Variants in CNTN5 observed in about 807,000 individuals in gnomAD.
CNTN5 encodes contactin 5.
CNTN5 carries 77 observed loss-of-function variants against 129.1 expected under a neutral mutation model. That is an observed-to-expected ratio of 0.60 (90% CI 0.50 to 0.72). The LOEUF is 0.72. Among genes scored for constraint, CNTN5 ranks in the 30% least tolerant of loss-of-function variants. The pLI is 0.00. For missense variants in CNTN5, 1,478 were observed against 1,328.8 expected, an observed-to-expected ratio of 1.11 and a Z score of -1.75; for synonymous variants, 509 against 465.6, an observed-to-expected ratio of 1.09 and a Z score of -1.20.
chr11:100,303,616 T>C (rs532334656), intron 20 of CNTN5, among the ~76,000 whole-genome samples: 1 of 151,630 alleles, frequency 6.6e-6, no homozygotes, highest in Admixed American at 6.6e-5. Flanking sequence ...TTTTGCCTTA[T>C]CTGTAAAAAA....
chr11:99,988,161 G>A (rs1472535020), intron 8 of CNTN5, among the ~76,000 whole-genome samples: 2 of 152,228 alleles, frequency 1.3e-5, no homozygotes, highest in Non-Finnish European at 2.9e-5. Context: ...AGCAAATCAG[G>A]AGCTGCCACA....
chr11:100,285,767 T>C lies in CNTN5; in HGVS notation c.2315-11858T>C, dbSNP rs59654879. On this transcript the variant is annotated intron_variant, in intron 18 of 24. Transcript: ENST00000524871. ...ATACTGAGGAGCCAAGATGGCCGAA[T>C]AGGAACAGCTCCGGTCTACAGCTCC... is the stretch of plus-strand genomic sequence containing the variant. Among the ~76,000 whole-genome samples the C allele has an allele frequency of 1.0e-3, 152 of 152,294 alleles. 2 individuals are homozygous for C. In the East Asian group the frequency reaches 0.023, roughly 23 times the overall value.
chr11:99,698,007 C>T (rs749738573), intron 3 of CNTN5, among the ~76,000 whole-genome samples: 26 of 150,364 alleles, frequency 1.7e-4, no homozygotes, highest in Non-Finnish European at 2.4e-4. Context: ...ACCGTTTCGA[C>T]GACTGTTTTA....
chr11:99,541,438 A>T (rs903994807), intron 2 of CNTN5, among the ~76,000 whole-genome samples: 1 of 152,180 alleles, frequency 6.6e-6, no homozygotes, highest in African/African-American at 2.4e-5. Flanking sequence ...TCCAGAAATC[A>T]GAACTCTTAC....
At chr11:99,595,316 C>A (rs1950092987) in intron 3 of CNTN5, among the ~76,000 whole-genome samples, 1 of 151,646 alleles carries the variant, frequency 6.6e-6, no homozygotes, top group South Asian at 2.1e-4. Flanking sequence ...TCACAGTGTA[C>A]CCCATAAATA....
chr11:99,422,475 C>T (rs1565569030), intron 2 of CNTN5, among the ~76,000 whole-genome samples: 1 of 142,734 alleles, frequency 7.0e-6, no homozygotes, highest in South Asian at 2.2e-4. Flanking sequence ...GGTTTACATC[C>T]TGATTATTGA....
At chr11:99,802,494 G>A (rs972456979) in intron 3 of CNTN5, among the ~76,000 whole-genome samples, 2 of 152,170 alleles carry the variant, frequency 1.3e-5, no homozygotes, top group Non-Finnish European at 2.9e-5. Context: ...AGTGCCCAGA[G>A]GTGTGCCTCA....
rs567885159 is a variant in CNTN5, at chr11:99,992,429, C to T, written c.878-9605C>T. Among the ~76,000 whole-genome samples the T allele has an allele frequency of 6.5e-4, 99 of 152,214 alleles. No homozygotes were observed. In the South Asian group the frequency reaches 0.017, roughly 27 times the overall value. ...TTTGACAGCATGACTCTCTGCATGC[C>T]GTTTTTCAGACATTTTAGTCAGTTA... On this transcript the variant is annotated intron_variant, in intron 8 of 24. Coordinates refer to ENST00000524871, the MANE Select transcript of CNTN5 (RefSeq NM_014361.4).
chr11:100,185,376 C>T (rs1051911163), intron 13 of CNTN5, among the ~76,000 whole-genome samples: 3 of 152,082 alleles, frequency 2.0e-5, no homozygotes, highest in Non-Finnish European at 2.9e-5. Context: ...TCATTCTCCA[C>T]CCTTCAGTAC....
intron 2 of CNTN5, among the ~76,000 whole-genome samples, chr11:99,515,484 A>G (rs1476643340): frequency 6.6e-6 from 1 of 152,062 alleles, no homozygotes; most frequent in East Asian, 1.9e-4. Context: ...TGTCTTTTTC[A>G]CCATTGTATT....
At chr11:99,920,393 C>G (rs1323408320) in intron 7 of CNTN5, among the ~76,000 whole-genome samples, 1 of 152,062 alleles carries the variant, frequency 6.6e-6, no homozygotes, top group Admixed American at 6.6e-5. Context: ...ATCTAAATAT[C>G]TAAAATCTCC....
intron 3 of CNTN5, among the ~76,000 whole-genome samples, chr11:99,713,520 T>C (rs1447338373): frequency 6.6e-6 from 1 of 151,844 alleles, no homozygotes; most frequent in African/African-American, 2.4e-5. Flanking sequence ...CTAGCCAGAA[T>C]TTCCTTAAGC....
chr11:100,319,232 A>T (rs550226278), intron 21 of CNTN5, among the ~76,000 whole-genome samples: 2 of 149,234 alleles, frequency 1.3e-5, no homozygotes, highest in African/African-American at 4.9e-5. Flanking sequence ...AGCTCACTGC[A>T]ACCTCCGCCT....
At chr11:99,498,768 A>C (rs188759432) in intron 2 of CNTN5, among the ~76,000 whole-genome samples, 109 of 152,284 alleles carry the variant, frequency 7.2e-4, no homozygotes, top group African/African-American at 2.6e-3. Flanking sequence ...TTCTGGGAAA[A>C]ATCTTCCTTC....
intron 18 of CNTN5, among the ~76,000 whole-genome samples, chr11:100,297,096 T>C (rs979245702): frequency 2.5e-4 from 38 of 151,578 alleles, no homozygotes; most frequent in African/African-American, 9.2e-4. Context: ...GCAGAGAGAT[T>C]CATTCTTGAC....
At chr11:99,318,013 T>G (rs1054576899) in intron 1 of CNTN5, among the ~76,000 whole-genome samples, 13 of 152,182 alleles carry the variant, frequency 8.5e-5, no homozygotes, top group African/African-American at 3.1e-4. Context: ...CTGAAAACTC[T>G]GTTTCAAAAT....
At chr11:100,281,250 C>T (rs766915089) in intron 18 of CNTN5, among the ~76,000 whole-genome samples, 1 of 152,090 alleles carries the variant, frequency 6.6e-6, no homozygotes, top group Non-Finnish European at 1.5e-5. Context: ...GAAGTATTCT[C>T]TTTAGCATTT....
chr11:99,916,381 T>G (rs73551362), intron 7 of CNTN5, among the ~76,000 whole-genome samples: 14,906 of 152,130 alleles, frequency 0.098, 1,572 homozygotes, highest in African/African-American at 0.27. Flanking sequence ...TAACTGTCAC[T>G]GTTATGCCTC....
chr11:100,050,937 T>C (rs760753133), intron 9 of CNTN5, among the ~76,000 whole-genome samples: 17 of 152,110 alleles, frequency 1.1e-4, no homozygotes, highest in Non-Finnish European at 2.1e-4. Context: ...TTACAATGTA[T>C]GAAGCAAAAG....
Sources: gnomAD v4.1 joint callset for allele counts (sites outside exome capture counted in the v4.1 genomes callset) on GRCh38, gnomAD v4.1.1 for gene constraint, MANE v1.5 for transcripts, NCBI Gene and HGNC (gene_info 2026-07-23, HGNC 2026-07-21) for gene names.